Variants in GMPR observed in about 807,000 individuals in gnomAD.
The protein encoded by GMPR is guanosine monophosphate reductase, also known as GMP reductase 1.
Under a neutral mutation model 38.4 loss-of-function variants are expected in GMPR, and 31 were observed. That is an observed-to-expected ratio of 0.81 (90% CI 0.61 to 1.09). The LOEUF is 1.09. GMPR is among the 50% of genes least tolerant of loss of function. GMPR has a pLI of 0.00. For missense variants in GMPR, 468 were observed against 453.7 expected, an observed-to-expected ratio of 1.03 and a Z score of -0.29; for synonymous variants, 162 against 173.3, an observed-to-expected ratio of 0.93 and a Z score of 0.51.
At chr6:16,291,049 C>A (rs1385855523) in intron 8 of GMPR, among the ~76,000 whole-genome samples, 1 of 152,092 alleles carries the variant, frequency 6.6e-6, no homozygotes, top group Non-Finnish European at 1.5e-5. Flanking sequence ...TAGGTGTGGT[C>A]TAGACCACTG....
chr6:16,255,534 G>A (rs1235239069), intron 4 of GMPR, among the ~76,000 whole-genome samples: 2 of 152,058 alleles, frequency 1.3e-5, no homozygotes, highest in Admixed American at 6.6e-5. Context: ...TTTTATCTAG[G>A]AGCTTTGTTT....
At chr6:16,292,606 G>C (rs888611710) in intron 8 of GMPR, among the ~76,000 whole-genome samples, 1 of 152,094 alleles carries the variant, frequency 6.6e-6, no homozygotes, top group Non-Finnish European at 1.5e-5. Context: ...AAGAAGCTTC[G>C]TGCTTTACCA....
At chr6:16,252,691 G>A (rs1758899316) in intron 3 of GMPR, among the ~76,000 whole-genome samples, 1 of 152,188 alleles carries the variant, frequency 6.6e-6, no homozygotes, top group African/African-American at 2.4e-5. Flanking sequence ...TAGTAGCAGT[G>A]AGAGAAGGCA....
chr6:16,267,204 G>A (rs966084407), intron 4 of GMPR, among the ~76,000 whole-genome samples: 5 of 151,830 alleles, frequency 3.3e-5, no homozygotes, highest in Admixed American at 2.0e-4. Context: ...TCTACTAAAA[G>A]TACAAAAAAA....
intron 4 of GMPR, chr6:16,262,670 T>TA (rs1339679730): frequency 6.6e-6 from 1 of 152,034 alleles, no homozygotes; most frequent in Non-Finnish European, 1.5e-5. Flanking sequence ...GAGTTTTCTT[T>TA]AATGTCGGGA....
intron 4 of GMPR, among the ~76,000 whole-genome samples, chr6:16,261,401 G>T (rs1392837019): frequency 8.8e-6 from 1 of 114,052 alleles, no homozygotes. Context: ...CCTGACGGGT[G>T]TCAGGGTCAG....
intron 4 of GMPR, among the ~76,000 whole-genome samples, chr6:16,255,403 A>G (rs1266973286): frequency 1.3e-5 from 2 of 152,270 alleles, no homozygotes; most frequent in Middle Eastern, 3.4e-3. Flanking sequence ...AGTGTCACAT[A>G]TGTAGGTCCT....
chr6:16,282,934 G>C (rs1045919914), intron 6 of GMPR, among the ~76,000 whole-genome samples: 2 of 151,190 alleles, frequency 1.3e-5, no homozygotes, highest in Admixed American at 6.6e-5. Flanking sequence ...TCAGCCTCCC[G>C]AGTAGCTGGG....
chr6:16,268,775 G>T (rs1417572496), intron 4 of GMPR, among the ~76,000 whole-genome samples: 3 of 152,108 alleles, frequency 2.0e-5, no homozygotes, highest in Non-Finnish European at 4.4e-5. Flanking sequence ...TGATTAAAAA[G>T]TTCCAGAGAT....
chr6:16,278,918 G>T, intron 6 of GMPR, 28 bp downstream of exon 6: 1 of 1,438,960 alleles, frequency 6.9e-7, no homozygotes, highest in South Asian at 1.2e-5. Context: ...GCTGAGGCTG[G>T]GGTGTCTTGG....
chr6:16,285,856 AGAGG>A, intron 7 of GMPR, 21 bp downstream of exon 7: 5 of 1,596,054 alleles, frequency 3.1e-6, no homozygotes, highest in Non-Finnish European at 3.4e-6. Context: ...GCCCTGGTGC[AGAGG>A]GAGGGAAGGA....
intron 6 of GMPR, among the ~76,000 whole-genome samples, chr6:16,285,126 A>G (rs1206510204): frequency 6.6e-6 from 1 of 151,256 alleles, no homozygotes; most frequent in Non-Finnish European, 1.5e-5. Context: ...CATTACCCCC[A>G]ACAGCTGAAC....
At chr6:16,240,566 C>T (rs568197455) in intron 1 of GMPR, among the ~76,000 whole-genome samples, 1 of 152,314 alleles carries the variant, frequency 6.6e-6, no homozygotes, top group South Asian at 2.1e-4. Context: ...AGCCCAGGAG[C>T]TGGAGGTTAC....
At chr6:16,243,072 CG>C (rs201724062) in intron 1 of GMPR, among the ~76,000 whole-genome samples, 2 of 150,042 alleles carry the variant, frequency 1.3e-5, no homozygotes, top group Non-Finnish European at 3.0e-5. Context: ...ATTTTGGGGG[CG>C]GGGGGGAGAC....
chr6:16,274,308 C>A lies in GMPR; in HGVS notation c.466-107C>A, dbSNP rs1208775781. ...GTGTTCCTTTTTTGTCCCCCAGCTG[C>A]CTGGTGGCTTTAGGACATGCACATC... is the stretch of plus-strand genomic sequence containing the variant. On this transcript the variant is annotated intron_variant, in intron 4 of 8. Coordinates refer to ENST00000259727, the MANE Select transcript of GMPR (RefSeq NM_006877.4). 1.2e-5 allele frequency: 9 copies of A among 738,584 alleles called. No individual in the cohort carries two copies. The East Asian group carries it at 2.0e-4, about 16-fold the overall frequency. The allele number at this position is 738,584 out of a possible 1,614,324, so 45.8% of individuals were successfully genotyped here. A position where few individuals can be genotyped will look rare whatever the true frequency, so the allele number is the denominator to read the frequency against.
chr6:16,286,795 A>G (rs1404366120), intron 7 of GMPR, among the ~76,000 whole-genome samples: 1 of 151,744 alleles, frequency 6.6e-6, no homozygotes, highest in Non-Finnish European at 1.5e-5. Flanking sequence ...AATCCCAGCT[A>G]CTCAGGAGGC....
intron 3 of GMPR, among the ~76,000 whole-genome samples, chr6:16,252,867 T>TC (rs1758902448): frequency 6.6e-6 from 1 of 152,122 alleles, no homozygotes; most frequent in Non-Finnish European, 1.5e-5. Flanking sequence ...CTGGAGTAAA[T>TC]ATGTGTCATG....
intron 3 of GMPR, among the ~76,000 whole-genome samples, chr6:16,254,223 A>T (rs1489571317): frequency 1.3e-5 from 2 of 151,184 alleles, no homozygotes; most frequent in African/African-American, 2.4e-5. Context: ...GAGCCACCAC[A>T]CTTGGCTAAT....
chr6:16,281,353 G>T (rs956967056), intron 6 of GMPR, among the ~76,000 whole-genome samples: 3 of 152,154 alleles, frequency 2.0e-5, no homozygotes, highest in African/African-American at 4.8e-5. Context: ...TCATCTGCTG[G>T]TGCCCAAGGC....
Sources: gnomAD v4.1 joint callset for allele counts (sites outside exome capture counted in the v4.1 genomes callset) on GRCh38, gnomAD v4.1.1 for gene constraint, MANE v1.5 for transcripts, NCBI Gene and HGNC (gene_info 2026-07-23, HGNC 2026-07-21) for gene names.